Variants in TRMT6 observed in about 807,000 individuals in gnomAD.
The protein encoded by TRMT6 is tRNA (adenine(58)-N(1))-methyltransferase non-catalytic subunit TRM6.
Under a neutral mutation model 59.0 loss-of-function variants are expected in TRMT6, and 34 were observed. The ratio of observed to expected loss-of-function variants is 0.58; its 90% CI spans 0.44 to 0.77. TRMT6 has a LOEUF of 0.77. Among genes scored for constraint, TRMT6 ranks in the 30% least tolerant of loss-of-function variants. The probability of loss-of-function intolerance (pLI) is 0.00; values close to 1 mark genes in which losing one functional copy is unlikely to be tolerated. For missense variants in TRMT6, 575 were observed against 604.5 expected (o/e 0.95, Z 0.51); for synonymous variants, 217 against 210.5 (o/e 1.03, Z -0.27).
Position 5,946,445 on chromosome 20 carries a change from T to A in TRMT6, c.217A>T (p.Ser73Cys), listed in dbSNP as rs1421166272. Residue 73 changes from serine to cysteine, a missense_variant, in exon 2 of 11, where the codon AGT (serine) becomes TGT (cysteine). Coordinates refer to ENST00000203001, the MANE Select transcript of TRMT6 (RefSeq NM_015939.5). The part of the protein sequence containing the change: ...GTAFEVTSGG[S>C]LQPKKKREEP... ...TCCCTCTTCTTCTTGGGCTGTAGAC[T>A]TCCTCCACTGGTCACTTCAAATGCA... is the stretch of plus-strand genomic sequence containing the variant. 17 of 1,614,050 alleles carry A rather than the reference T, an allele frequency of 1.1e-5. No homozygotes were observed. The highest frequency in any genetic ancestry group is 1.4e-5 in the Non-Finnish European group (17 of 1,180,028).
In TRMT6 at chr20:5,941,283, G is replaced by C. The variant is rs1475424562; in HGVS notation, c.1175C>G (p.Ala392Gly). ...GTAGACCACAAACGGCCTTGAAGGG[G>C]CCACAAAGTCCAGCAAAGACAGCAG... ...PLLLSLLDFV[A>G]PSRPFVVYCQ... Residue 392 changes from alanine (A) to glycine (G), a missense_variant, in exon 9 of 11, where the codon GCC (alanine) becomes GGC (glycine). Physicochemically the swap from Ala to Gly is moderately conservative, Grantham distance 60. Transcript: ENST00000203001. 2.5e-6 allele frequency: 4 copies of C among 1,614,042 alleles called. No individual in the cohort carries two copies. The highest frequency in any genetic ancestry group is 3.4e-6 in the Non-Finnish European group (4 of 1,180,038).
chr20:5,944,790 T>C lies in TRMT6; in HGVS notation c.366+15A>G. ...AAACAGACAAAAACAAAACTAAAAA[T>C]CCTTTGAATATTACCTCTCCTTTAA... On this transcript the variant is annotated intron_variant, in intron 3 of 10. Coordinates refer to ENST00000203001, the MANE Select transcript of TRMT6 (RefSeq NM_015939.5). The C allele has an allele frequency of 6.3e-7, 1 of 1,594,934 alleles. No homozygotes were observed. The highest frequency in any genetic ancestry group is 2.2e-5 in the East Asian group (1 of 44,718).
At chr20:5,944,763 C>T in intron 3 of TRMT6, 42 bp downstream of exon 3, 2 of 1,518,736 alleles carry the variant, frequency 1.3e-6, no homozygotes, top group Non-Finnish European at 1.8e-6. Context: ...TTCCTAAATG[C>T]CAAACAGACA....
chr20:5,941,924 G>GCCCACA, intron 8 of TRMT6, 27 bp downstream of exon 8: 1 of 1,594,224 alleles, frequency 6.3e-7, no homozygotes, highest in Non-Finnish European at 8.6e-7. Context: ...GCACTGAGGA[G>GCCCACA]TCTCCTGCCT....
intron 1 of TRMT6, among the ~76,000 whole-genome samples, chr20:5,948,259 A>C (rs1600226969): frequency 6.6e-6 from 1 of 152,180 alleles, no homozygotes; most frequent in South Asian, 2.1e-4. Context: ...TCACTGCCCC[A>C]GTCGGGAATG....
At chr20:5,939,875 AC>A (rs927057423) in intron 10 of TRMT6, among the ~76,000 whole-genome samples, 7 of 152,288 alleles carry the variant, frequency 4.6e-5, no homozygotes, top group Admixed American at 2.0e-4. Context: ...GACGGGGCCT[AC>A]GGCAGCATGG....
At chr20:5,949,908 A>G (rs761173853) in intron 1 of TRMT6, among the ~76,000 whole-genome samples, 1 of 146,850 alleles carries the variant, frequency 6.8e-6, no homozygotes, top group Non-Finnish European at 1.5e-5. Flanking sequence ...CTAGGGAAAG[A>G]ACTTCAGGAC....
rs2088625831 is a variant in TRMT6 at position 5,938,420 on chromosome 20, A to G, written c.*115T>C. The G allele has an allele frequency of 9.2e-7, 1 of 1,090,740 alleles. No individual in the cohort carries two copies. The highest frequency in any genetic ancestry group is 1.3e-6 in the Non-Finnish European group (1 of 750,964). 67.6% of individuals were successfully genotyped at this position (1,090,740 alleles called of 1,614,324 possible). A position where few individuals can be genotyped will look rare whatever the true frequency, so the allele number is the denominator to read the frequency against. On this transcript the variant is annotated 3_prime_UTR_variant, in exon 11 of 11. Coordinates refer to ENST00000203001, the MANE Select transcript of TRMT6 (RefSeq NM_015939.5). ...ATACTCCTCCTTCCTAGAAACGGGT[A>G]CATAGACATGTTCTTATTCTTGGGA...
At position 5,950,482 on chromosome 20, in the gene TRMT6, C is replaced by G; in HGVS notation, c.-77G>C. On this transcript the variant is annotated 5_prime_UTR_variant, in exon 1 of 11. Transcript: ENST00000203001. ...TGTCGCCACCGCCAGCCTCACTTCC[C>G]ACAACCTGGCGCACTAGGAGCCCTC... 6.8e-7 allele frequency: 1 copy of G among 1,475,064 alleles called. No homozygotes were observed. Among genetic ancestry groups the G allele is most frequent in the Non-Finnish European group, 9.0e-7 (1 of 1,109,418 alleles). The allele number at this position is 1,475,064 out of a possible 1,614,324, so 91.4% of individuals were successfully genotyped here. A position where few individuals can be genotyped will look rare whatever the true frequency, so the allele number is the denominator to read the frequency against.
At chr20:5,940,267 C>G (rs1414272356) in intron 10 of TRMT6, among the ~76,000 whole-genome samples, 1 of 152,222 alleles carries the variant, frequency 6.6e-6, no homozygotes, top group Non-Finnish European at 1.5e-5. Flanking sequence ...TCTTACACTT[C>G]AACTTCCATC....
chr20:5,945,589 C>CT (rs1487588636), intron 2 of TRMT6, among the ~76,000 whole-genome samples: 1 of 152,200 alleles, frequency 6.6e-6, no homozygotes, highest in Non-Finnish European at 1.5e-5. Flanking sequence ...ATACGACAGT[C>CT]TATCTTATGA....
At chr20:5,940,987 G>A (rs2088650764) in intron 10 of TRMT6, 66 bp downstream of exon 10, 1 of 1,205,934 alleles carries the variant, frequency 8.3e-7, no homozygotes, top group Non-Finnish European at 1.2e-6. Flanking sequence ...ATGACTTCTA[G>A]TACTACTGCA....
chr20:5,941,687 A>G, intron 8 of TRMT6: 3 of 545,240 alleles, frequency 5.5e-6, no homozygotes, highest in Non-Finnish European at 9.7e-6. Flanking sequence ...TGAGTGCCCC[A>G]TCCCCTGCAT....
rs769568000 is a variant in TRMT6, at chr20:5,943,633, C to T, written c.593G>A (p.Arg198His). 2.0e-5 allele frequency: 32 copies of T among 1,614,064 alleles called. 1 individual carries two copies. In the South Asian group the frequency reaches 2.3e-4, roughly 12 times the overall value. The change falls in exon 6 of 11, where the codon CGT becomes CAT. Residue 198 changes from arginine (R) to histidine (H), a missense_variant. Transcript: ENST00000203001. ...LAQMLTLGNI[R>H]AGNKMIVMET... ...CATCACAATCATTTTGTTGCCAGCACGGATATTTCCCAACGTCAACATCTG... is the reference window on the plus strand; with the variant it reads ...CATCACAATCATTTTGTTGCCAGCATGGATATTTCCCAACGTCAACATCTG...
At chr20:5,939,381 T>C (rs541176646) in intron 10 of TRMT6, among the ~76,000 whole-genome samples, 106 of 149,988 alleles carry the variant, frequency 7.1e-4, no homozygotes, top group African/African-American at 2.5e-3. Flanking sequence ...CTCGGGAGGC[T>C]GAGGCAGGAG....
rs182448589 is a variant in TRMT6, at chr20:5,950,519, G to A, written c.-114C>T. ...CACTAGGAGCCCTCCGACCGGCACCGCCCCCACGTGTTGCACGCCGCTTCC... is the reference window on the plus strand; with the variant it reads ...CACTAGGAGCCCTCCGACCGGCACCACCCCCACGTGTTGCACGCCGCTTCC... On this transcript the variant is annotated 5_prime_UTR_variant, in exon 1 of 11. Coordinates refer to ENST00000203001, the MANE Select transcript of TRMT6 (RefSeq NM_015939.5). The A allele has an allele frequency of 2.2e-5, 27 of 1,218,240 alleles. No homozygotes were observed. Among genetic ancestry groups the A allele is most frequent in the South Asian group, 3.3e-5 (2 of 60,874 alleles). The allele number at this position is 1,218,240 out of a possible 1,614,324, so 75.5% of individuals were successfully genotyped here. A position where few individuals can be genotyped will look rare whatever the true frequency, so the allele number is the denominator to read the frequency against.
chr20:5,945,025 C>T lies in TRMT6; in HGVS notation c.257-111G>A, dbSNP rs2088693355. The T allele has an allele frequency of 2.7e-5, 21 of 765,306 alleles. No homozygotes were observed. In the South Asian group the frequency reaches 3.4e-4, roughly 12 times the overall value. The allele number at this position is 765,306 out of a possible 1,614,324, so 47.4% of individuals were successfully genotyped here. A position where few individuals can be genotyped will look rare whatever the true frequency, so the allele number is the denominator to read the frequency against. ...CATCAGCCACTCAAGTCTGGCCTCC[C>T]AGCTGCACTGCCCCCATCACACTAT... On this transcript the variant is annotated intron_variant, in intron 2 of 10. Transcript: ENST00000203001.
intron 10 of TRMT6, among the ~76,000 whole-genome samples, chr20:5,940,689 G>T (rs1288288303): frequency 6.6e-6 from 1 of 152,102 alleles, no homozygotes. Flanking sequence ...TGGGATCTCG[G>T]CTCACTGCAG....
At chr20:5,941,028 T>A (rs912715866) in intron 10 of TRMT6, 25 bp downstream of exon 10, 38 of 1,590,270 alleles carry the variant, frequency 2.4e-5, no homozygotes, top group Non-Finnish European at 3.2e-5. Context: ...GGGCAGCTCT[T>A]GGGACTGGCT....
Sources: gnomAD v4.1 joint callset for allele counts (sites outside exome capture counted in the v4.1 genomes callset) on GRCh38, gnomAD v4.1.1 for gene constraint, MANE v1.5 for transcripts, NCBI Gene and HGNC (gene_info 2026-07-23, HGNC 2026-07-21) for gene names.